Variants in ABCB9 observed in about 807,000 individuals in gnomAD.
The protein encoded by ABCB9 is ATP binding cassette subfamily B member 9, also known as ABC-type oligopeptide transporter ABCB9.
Under a neutral mutation model 62.0 loss-of-function variants are expected in ABCB9, and 36 were observed. That is an observed-to-expected ratio of 0.58 (90% CI 0.45 to 0.77). ABCB9 has a LOEUF of 0.77. Ranked by LOEUF, ABCB9 falls within the 30% of genes least tolerant of loss-of-function variation. The pLI is 0.00. For missense variants in ABCB9, 943 were observed against 1,054.7 expected, an observed-to-expected ratio of 0.89 and a Z score of 1.47; for synonymous variants, 435 against 461.4, an observed-to-expected ratio of 0.94 and a Z score of 0.73.
At position 122,959,998 on chromosome 12, in the gene ABCB9, G is replaced by A. The variant is rs768512748; in HGVS notation, c.238C>T (p.Arg80Trp). The change falls in exon 2 of 12, where the codon CGG (arginine) becomes TGG (tryptophan). Residue 80 changes from arginine (R) to tryptophan (W), a missense_variant. Coordinates refer to ENST00000280560, the MANE Select transcript of ABCB9 (RefSeq NM_019625.4). This position sits in a 1 kb window ranked among gnomAD's most constrained non-coding sequence, Gnocchi z 5.4. ...KNSALGPRRL[R>W]ASWLVITLVC... ...AGGGTGATGACCAGCCACGAGGCCC[G>A]CAGCCGCCGGGGCCCCAGCGCACTG... The A allele has an allele frequency of 1.0e-4, 166 of 1,613,136 alleles. No individual in the cohort carries two copies. The highest frequency in any genetic ancestry group is 1.6e-4 in the Middle Eastern group (1 of 6,084).
intron 2 of ABCB9, among the ~76,000 whole-genome samples, chr12:122,955,706 TG>T (rs368022798): frequency 7.3e-5 from 11 of 150,824 alleles, no homozygotes; most frequent in African/African-American, 2.7e-4. Flanking sequence ...TTTGGGTTTT[TG>T]TTTTTTTGTT....
At chr12:122,931,434 C>T (rs1169459408) in intron 11 of ABCB9, 1 of 151,358 alleles carries the variant, frequency 6.6e-6, no homozygotes, top group African/African-American at 2.4e-5. Flanking sequence ...AAGTGAGTCT[C>T]CTGCCTCAGC....
intron 5 of ABCB9, 161 bp downstream of exon 5, chr12:122,948,463 A>G (rs891851272): frequency 4.4e-6 from 3 of 687,608 alleles, no homozygotes; most frequent in Admixed American, 3.7e-5. Context: ...CAGGTGGTCA[A>G]TAATTATTTA....
downstream of ABCB9, among the ~76,000 whole-genome samples, chr12:122,925,928 G>T (rs958601464): frequency 2.0e-5 from 3 of 152,200 alleles, no homozygotes; most frequent in African/African-American, 7.2e-5. Context: ...GGAATAAAGT[G>T]CTGATTCATG....
downstream of ABCB9, chr12:122,920,906 C>T: frequency 1.0e-6 from 1 of 990,976 alleles, no homozygotes; most frequent in Non-Finnish European, 1.5e-6. Context: ...GAGTGAGACC[C>T]CTGTCTTAAA....
exon 1 of ABCB9, chr12:122,974,989 C>A (rs1172923511): frequency 2.9e-6 from 1 of 349,778 alleles, no homozygotes; most frequent in Non-Finnish European, 5.2e-6. Flanking sequence ...AAGGCACGAC[C>A]CAGTTCAGCT....
rs2035928039 is a variant in ABCB9, at chr12:122,944,446, C to G, written c.1325G>C (p.Ser442Thr). ...GATGATGAAGGCGATGAGGTTGCCG[C>G]TGGTCATCTGGCCTGAGATGACAAG... ...GHLVISGQMT[S>T]GNLIAFIIYE... The change falls in exon 7 of 12, where the codon AGC becomes ACC. Residue 442 changes from serine (S) to threonine (T), a missense_variant. Coordinates refer to ENST00000280560, the MANE Select transcript of ABCB9 (RefSeq NM_019625.4). This position sits in a 1 kb window ranked among gnomAD's most constrained non-coding sequence, Gnocchi z 4.9. The G allele has an allele frequency of 6.2e-7, 1 of 1,614,114 alleles. No individual in the cohort carries two copies. The highest frequency in any genetic ancestry group is 1.7e-5 in the Admixed American group (1 of 60,018).
chr12:122,970,585 A>G (rs912253590), upstream of ABCB9, among the ~76,000 whole-genome samples: 7 of 152,182 alleles, frequency 4.6e-5, no homozygotes. Context: ...CAACACGAAG[A>G]AATGATAGAT....
At chr12:122,934,568 G>T (rs771324723) in intron 10 of ABCB9, among the ~76,000 whole-genome samples, 5 of 150,648 alleles carry the variant, frequency 3.3e-5, no homozygotes, top group Admixed American at 1.3e-4. Flanking sequence ...TTGAGCCCAA[G>T]AGGTTGAGGC....
downstream of ABCB9, chr12:122,924,861 GAAA>G: frequency 6.5e-7 from 1 of 1,529,064 alleles, no homozygotes. Flanking sequence ...AATTGTAACA[GAAA>G]AAAGTCAGCT....
At chr12:122,943,074 G>C (rs549967240) in intron 7 of ABCB9, among the ~76,000 whole-genome samples, 1 of 152,082 alleles carries the variant, frequency 6.6e-6, no homozygotes, top group Admixed American at 6.6e-5. Flanking sequence ...TTGTGGGAGC[G>C]AGGCAGACAA....
chr12:122,938,479 T>C (rs905132451), intron 9 of ABCB9, among the ~76,000 whole-genome samples: 1 of 151,970 alleles, frequency 6.6e-6, no homozygotes, highest in Non-Finnish European at 1.5e-5. Flanking sequence ...CTGCAGTAAG[T>C]TGTGACTGTG....
intron 1 of ABCB9, among the ~76,000 whole-genome samples, chr12:122,972,705 G>T (rs1283967892): frequency 2.0e-5 from 3 of 151,838 alleles, no homozygotes; most frequent in Non-Finnish European, 4.4e-5. Flanking sequence ...TAGAGACGGG[G>T]TTTCACCATG....
chr12:122,950,695 A>C, intron 2 of ABCB9, 130 bp from the exon 3 acceptor site: 1 of 729,826 alleles, frequency 1.4e-6, no homozygotes. Context: ...CCCTCGGCAA[A>C]CTCTTGCTGC....
chr12:122,955,728 T>C (rs1334894584), intron 2 of ABCB9, among the ~76,000 whole-genome samples: 1 of 151,948 alleles, frequency 6.6e-6, no homozygotes, highest in Non-Finnish European at 1.5e-5. Context: ...TTTTTTTTTT[T>C]TGAGACGGAG....
At chr12:122,921,109 T>C (rs2034735412) in intron 11 of ABCB9, 2 of 1,496,848 alleles carry the variant, frequency 1.3e-6, no homozygotes, top group African/African-American at 1.4e-5. Context: ...TTAATGCCTC[T>C]GGATCATGCA....
In ABCB9 at chr12:122,932,620, C is replaced by T. The variant is rs970899678; in HGVS notation, c.1904-292G>A. 6.6e-6 allele frequency among the ~76,000 whole-genome samples: 1 copy of T among 152,226 alleles called. No homozygotes were observed. ...GGGAGACAGGCCCTCACCCGTCCTC[C>T]TGGAGAAGGGGAGTTGGAGCGAGCC... is the stretch of plus-strand genomic sequence containing the variant. On this transcript the variant is annotated intron_variant, in intron 10 of 11. Coordinates refer to ENST00000280560, the MANE Select transcript of ABCB9 (RefSeq NM_019625.4). The surrounding 1 kb of genome is among the most constrained non-coding windows in gnomAD (Gnocchi z 4.7).
At chr12:122,965,969 G>A (rs2037149953) in intron 1 of ABCB9, among the ~76,000 whole-genome samples, 1 of 152,252 alleles carries the variant, frequency 6.6e-6, no homozygotes, top group African/African-American at 2.4e-5. Flanking sequence ...CAGAAGGCGC[G>A]CCAGCCCCGT....
Position 122,930,248 on chromosome 12 carries a change from G to T in ABCB9, c.2041-77C>A, listed in dbSNP as rs1566152150. 1.5e-6 allele frequency: 2 copies of T among 1,377,260 alleles called. No homozygotes were observed. The highest frequency in any genetic ancestry group is 2.9e-5 in the African/African-American group (2 of 69,812). 85.3% of individuals were successfully genotyped at this position (1,377,260 alleles called of 1,614,324 possible). ...ACCGTGCTTCATGCCACGGCCTATG[G>T]GCTGATGCTTAACCTCTCTGAGGCT... is the stretch of plus-strand genomic sequence containing the variant. On this transcript the variant is annotated intron_variant, in intron 11 of 11. Coordinates refer to ENST00000280560, the MANE Select transcript of ABCB9 (RefSeq NM_019625.4). This position sits in a 1 kb window ranked among gnomAD's most constrained non-coding sequence, Gnocchi z 4.9.
Sources: allele counts gnomAD v4.1 joint callset (sites outside exome capture counted in the v4.1 genomes callset), GRCh38; gene constraint gnomAD v4.1.1; non-coding constraint Gnocchi (gnomAD v3.1); transcripts MANE v1.5; gene names NCBI Gene and HGNC (gene_info 2026-07-23, HGNC 2026-07-21).